ARL6IP6: variants seen among roughly 807,000 people sequenced by gnomAD.
ARL6IP6 encodes ARF like GTPase 6 interacting protein 6.
Under a neutral mutation model 21.5 loss-of-function variants are expected in ARL6IP6, and 22 were observed. The ratio of observed to expected loss-of-function variants is 1.02; its 90% CI spans 0.73 to 1.46. The LOEUF is 1.46. ARL6IP6 is among the 40% of genes most tolerant of loss of function. The pLI, the probability that ARL6IP6 is intolerant of heterozygous loss-of-function variation, is 0.00. For synonymous variants in ARL6IP6, 164 were observed against 125.3 expected (o/e 1.31, Z -2.06); for missense variants, 388 against 299.8 (o/e 1.29, Z -2.17).
At position 152,759,835 on chromosome 2, in the gene ARL6IP6, A is replaced by T. The variant is rs754925855; in HGVS notation, c.676A>T (p.Met226Leu). The T allele has an allele frequency of 6.2e-7, 1 of 1,611,550 alleles. No individual in the cohort carries two copies. The highest frequency in any genetic ancestry group is 1.3e-5 in the African/African-American group (1 of 74,848). ...TGCTCTTACTGTAGCATGGTGCCTC[A>T]TGTAAACCCACACTGGAGCGATATT... is the stretch of plus-strand genomic sequence containing the variant. ...VAALTVAWCL[M>L] The change falls in exon 4 of 4, where the codon ATG becomes TTG. Residue 226 changes from methionine (M) to leucine (L), a missense_variant. By Grantham distance (15) the Met-to-Leu change is conservative. Transcript: ENST00000326446.
intron 2 of ARL6IP6, among the ~76,000 whole-genome samples, chr2:152,731,823 A>T (rs545039701): frequency 7.2e-5 from 11 of 152,272 alleles, no homozygotes; most frequent in African/African-American, 2.4e-4. Context: ...ACATTTCTTC[A>T]TATATACAAC....
chr2:152,752,279 G>T (rs1701371793), intron 3 of ARL6IP6, among the ~76,000 whole-genome samples: 3 of 152,116 alleles, frequency 2.0e-5, no homozygotes. Context: ...GCAATAATAA[G>T]AACCATTTTG....
chr2:152,724,993 T>G lies in ARL6IP6; in HGVS notation c.454+4407T>G, dbSNP rs192251112. ...TAATTATCTACTGAATCGAAGTAAC[T>G]TAATTGGCTGTATGTGTCAGTGTAC... On this transcript the variant is annotated intron_variant, in intron 2 of 3. Transcript: ENST00000326446. 2.2e-3 allele frequency among the ~76,000 whole-genome samples: 328 copies of G among 152,310 alleles called. 4 individuals carry two copies. The highest frequency in any genetic ancestry group is 7.2e-4 in the Non-Finnish European group (49 of 68,028).
Position 152,718,890 on chromosome 2 carries a change from G to T in ARL6IP6, c.266G>T (p.Gly89Val), listed in dbSNP as rs1211692315. Residue 89 changes from glycine (G) to valine (V), a missense_variant, in exon 1 of 4, where the codon GGT (glycine) becomes GTT (valine). By Grantham distance (109) the Gly-to-Val change is moderately radical. Transcript: ENST00000326446. Reference protein sequence around the residue: ...GSPVLPDKRNGIFPAAAGSRA... With the variant: ...GSPVLPDKRNVIFPAAAGSRA... ...CCCGTTCTGCCCGATAAGCGCAATG[G>T]TATCTTTCCCGCGGCCGCGGGCAGC... The T allele has an allele frequency of 6.2e-7, 1 of 1,613,948 alleles. No individual in the cohort carries two copies. The highest frequency in any genetic ancestry group is 8.5e-7 in the Non-Finnish European group (1 of 1,179,928).
chr2:152,746,958 T>C (rs1701085880), intron 3 of ARL6IP6, among the ~76,000 whole-genome samples: 1 of 150,672 alleles, frequency 6.6e-6, no homozygotes, highest in Non-Finnish European at 1.5e-5. Context: ...CCCAAATTGC[T>C]GGGACTACAG....
chr2:152,723,293 A>G (rs939159959), intron 2 of ARL6IP6, among the ~76,000 whole-genome samples: 1 of 152,258 alleles, frequency 6.6e-6, no homozygotes, highest in Non-Finnish European at 1.5e-5. Flanking sequence ...TGGGAAAAGT[A>G]CCATGCAGCC....
intron 3 of ARL6IP6, among the ~76,000 whole-genome samples, chr2:152,738,986 C>CT (rs201433159): frequency 3.7e-4 from 53 of 144,138 alleles, no homozygotes; most frequent in African/African-American, 5.1e-4. Flanking sequence ...AAACTGAATG[C>CT]TTTTTTTTTT....
At chr2:152,751,182 C>G (rs565626006) in intron 3 of ARL6IP6, among the ~76,000 whole-genome samples, 22 of 150,072 alleles carry the variant, frequency 1.5e-4, no homozygotes, top group African/African-American at 4.8e-4. Context: ...TTTATCTGAT[C>G]AAGTTTCCCA....
intron 3 of ARL6IP6, among the ~76,000 whole-genome samples, chr2:152,748,037 C>T (rs917373146): frequency 1.3e-5 from 2 of 152,278 alleles, no homozygotes; most frequent in South Asian, 2.1e-4. Flanking sequence ...TAATTTAATA[C>T]CTGATACCGA....
intron 3 of ARL6IP6, among the ~76,000 whole-genome samples, chr2:152,744,741 T>C (rs1700971102): frequency 1.3e-5 from 2 of 152,142 alleles, no homozygotes; most frequent in African/African-American, 4.8e-5. Context: ...AAATAACATT[T>C]GATAAATATC....
intron 2 of ARL6IP6, among the ~76,000 whole-genome samples, chr2:152,731,151 T>C (rs924310583): frequency 3.3e-5 from 5 of 152,170 alleles, no homozygotes; most frequent in African/African-American, 7.2e-5. Flanking sequence ...TATTGTGCAA[T>C]GTAAAGTAGA....
At chr2:152,750,902 C>T (rs1405836431) in intron 3 of ARL6IP6, among the ~76,000 whole-genome samples, 2 of 152,142 alleles carry the variant, frequency 1.3e-5, no homozygotes, top group African/African-American at 4.8e-5. Flanking sequence ...CTGTCACATT[C>T]GTATATGCAA....
In ARL6IP6 at chr2:152,761,679, A is replaced by G. The variant is rs1286997780; in HGVS notation, c.*1839A>G. Among the ~76,000 whole-genome samples, 1 of 152,204 alleles carries G rather than the reference A, an allele frequency of 6.6e-6. No homozygotes were observed. The highest frequency in any genetic ancestry group is 1.5e-5 in the Non-Finnish European group (1 of 68,044). On this transcript the variant is annotated 3_prime_UTR_variant, in exon 4 of 4. Transcript: ENST00000326446. ...ATTTTTTCTCTGTTTAGATACACAA[A>G]TATTTACCATTGTGTTACAGTTGCC...
intron 2 of ARL6IP6, among the ~76,000 whole-genome samples, chr2:152,727,815 G>A (rs973873962): frequency 2.0e-5 from 3 of 152,164 alleles, no homozygotes; most frequent in Non-Finnish European, 4.4e-5. Context: ...GTACGCTCTT[G>A]TGATGTACAA....
intron 1 of ARL6IP6, 83 bp downstream of exon 1, chr2:152,719,107 C>T (rs1464670502): frequency 2.1e-6 from 3 of 1,401,564 alleles, no homozygotes; most frequent in Non-Finnish European, 1.9e-6. Flanking sequence ...TCTCCCTTTC[C>T]CTCGCGCTAA....
intron 2 of ARL6IP6, among the ~76,000 whole-genome samples, chr2:152,722,295 A>G (rs1699826325): frequency 6.6e-6 from 1 of 152,228 alleles, no homozygotes; most frequent in Admixed American, 6.5e-5. Context: ...GCATGAATTT[A>G]TTGTCAAGAG....
chr2:152,732,231 T>C (rs911949610), intron 2 of ARL6IP6, among the ~76,000 whole-genome samples: 1 of 152,032 alleles, frequency 6.6e-6, no homozygotes, highest in Admixed American at 6.6e-5. Flanking sequence ...AGAACATATA[T>C]GTGCATCATT....
chr2:152,734,390 G>A (rs184290497), intron 2 of ARL6IP6, among the ~76,000 whole-genome samples: 45 of 152,306 alleles, frequency 3.0e-4, no homozygotes, highest in African/African-American at 1.1e-3. Flanking sequence ...CCAAATTGAG[G>A]CAAGTTTCAA....
intron 2 of ARL6IP6, among the ~76,000 whole-genome samples, chr2:152,727,286 G>T (rs1348678201): frequency 6.6e-6 from 1 of 152,108 alleles, no homozygotes; most frequent in Non-Finnish European, 1.5e-5. Flanking sequence ...TAGAGTAATG[G>T]TATAAAGAAA....
Sources: allele counts gnomAD v4.1 joint callset (sites outside exome capture counted in the v4.1 genomes callset), GRCh38; gene constraint gnomAD v4.1.1; transcripts MANE v1.5; gene names NCBI Gene and HGNC (gene_info 2026-07-23, HGNC 2026-07-21).